Variants in ACAP2 observed in about 807,000 individuals in gnomAD.
ACAP2 encodes ArfGAP with coiled-coil, ankyrin repeat and PH domains 2.
ACAP2 carries 39 observed loss-of-function variants against 115.8 expected under a neutral mutation model. That is an observed-to-expected ratio of 0.34 (90% CI 0.26 to 0.44). The LOEUF is 0.44. Ranked by LOEUF, ACAP2 falls within the 20% of genes least tolerant of loss-of-function variation. The probability of loss-of-function intolerance (pLI) is 1.00; values close to 1 mark genes in which losing one functional copy is unlikely to be tolerated. For missense variants in ACAP2, 662 were observed against 927.6 expected (o/e 0.71, Z 3.72); for synonymous variants, 289 against 315.8 (o/e 0.92, Z 0.90).
At chr3:195,302,853 A>G (rs146103791) in intron 13 of ACAP2, among the ~76,000 whole-genome samples, 201 of 152,272 alleles carry the variant, frequency 1.3e-3, no homozygotes, top group Non-Finnish European at 2.5e-3. Context: ...AGGAAGCTGA[A>G]GCGGGAGGAC....
chr3:195,343,584 A>G (rs1242329765), intron 5 of ACAP2, among the ~76,000 whole-genome samples: 3 of 152,174 alleles, frequency 2.0e-5, no homozygotes, highest in Non-Finnish European at 4.4e-5. Context: ...ATGCCACCAC[A>G]CAAGGCTAAT....
intron 4 of ACAP2, among the ~76,000 whole-genome samples, chr3:195,349,098 A>C (rs1280562142): frequency 6.6e-6 from 1 of 152,166 alleles, no homozygotes; most frequent in Non-Finnish European, 1.5e-5. Flanking sequence ...TTAATAAGTG[A>C]GTTTAAGAAG....
intron 6 of ACAP2, among the ~76,000 whole-genome samples, chr3:195,337,570 T>C (rs1730588262): frequency 6.6e-6 from 1 of 150,462 alleles, no homozygotes; most frequent in African/African-American, 2.4e-5. Context: ...TGCCTCAGCC[T>C]CCCGAGTAGC....
At chr3:195,283,117 G>A (rs948993691) in intron 22 of ACAP2, among the ~76,000 whole-genome samples, 1 of 152,116 alleles carries the variant, frequency 6.6e-6, no homozygotes, top group Non-Finnish European at 1.5e-5. Context: ...AAGCAGTGAT[G>A]ATTCTCAACT....
At chr3:195,431,154 T>C (rs1490853822) in intron 1 of ACAP2, among the ~76,000 whole-genome samples, 1 of 152,228 alleles carries the variant, frequency 6.6e-6, no homozygotes, top group African/African-American at 2.4e-5. Context: ...CTTTTGTGTT[T>C]GGCTTATTTC....
Position 195,442,934 on chromosome 3 carries a change from C to A in ACAP2, c.-87G>T. ...GGGACGCAGACGGCTACGGCGGGCG[C>A]ACGGCCGCGACTAGCGTTGCGCGGA... On this transcript the variant is annotated 5_prime_UTR_variant, in exon 1 of 23. Coordinates refer to ENST00000326793, the MANE Select transcript of ACAP2 (RefSeq NM_012287.6). 1 of 1,264,912 alleles carries A rather than the reference C, an allele frequency of 7.9e-7. No homozygotes were observed. The highest frequency in any genetic ancestry group is 1.1e-6 in the Non-Finnish European group (1 of 949,566). The allele number at this position is 1,264,912 out of a possible 1,614,324, so 78.4% of individuals were successfully genotyped here. A position where few individuals can be genotyped will look rare whatever the true frequency, so the allele number is the denominator to read the frequency against.
At position 195,429,465 on chromosome 3, in the gene ACAP2, C is replaced by T. The variant is rs187544301; in HGVS notation, c.53+13330G>A. Among the ~76,000 whole-genome samples the T allele has an allele frequency of 6.6e-5, 10 of 150,578 alleles. 1 individual carries two copies. Among genetic ancestry groups the T allele is most frequent in the East Asian group, 5.8e-4 (3 of 5,144 alleles). ...AAAATGCTAAGCAAAAGTACCAAAACGCTGAGAATAATAATTGACATACAA... is the reference window on the plus strand; with the variant it reads ...AAAATGCTAAGCAAAAGTACCAAAATGCTGAGAATAATAATTGACATACAA... On this transcript the variant is annotated intron_variant, in intron 1 of 22. Coordinates refer to ENST00000326793, the MANE Select transcript of ACAP2 (RefSeq NM_012287.6).
chr3:195,353,675 T>C (rs1167595129), intron 4 of ACAP2, among the ~76,000 whole-genome samples: 1 of 152,242 alleles, frequency 6.6e-6, no homozygotes, highest in African/African-American at 2.4e-5. Flanking sequence ...AAATTATTTG[T>C]AGCGATTTCA....
chr3:195,378,511 CAAACAAAAAA>C (rs1420844945), intron 4 of ACAP2, among the ~76,000 whole-genome samples: 5 of 147,588 alleles, frequency 3.4e-5, no homozygotes, highest in Non-Finnish European at 4.5e-5. Flanking sequence ...ACAAAACAAA[CAAACAAAAAA>C]AAACAAAAAA....
chr3:195,392,821 A>G (rs1249601482), intron 1 of ACAP2, among the ~76,000 whole-genome samples: 1 of 152,234 alleles, frequency 6.6e-6, no homozygotes, highest in Admixed American at 6.5e-5. Flanking sequence ...GAAACAAAAT[A>G]GCAGCAACTA....
chr3:195,351,632 T>C (rs1361121936), intron 4 of ACAP2, among the ~76,000 whole-genome samples: 1 of 151,572 alleles, frequency 6.6e-6, no homozygotes, highest in African/African-American at 2.4e-5. Context: ...GCCCAGCTAA[T>C]TTTTTGTATT....
chr3:195,285,862 A>G lies in ACAP2; in HGVS notation c.2175-5T>C. ...TTCATTCTTGCTAAACGTAACCTAA[A>G]AATAAATAAAATAGTGTTTTAGATG... On this transcript the variant is annotated splice_region_variant and splice_polypyrimidine_tract_variant and intron_variant, in intron 21 of 22. Transcript: ENST00000326793. The G allele has an allele frequency of 6.2e-7, 1 of 1,601,732 alleles. No homozygotes were observed. Among genetic ancestry groups the G allele is most frequent in the Non-Finnish European group, 8.5e-7 (1 of 1,172,340 alleles).
chr3:195,285,930 G>C, intron 21 of ACAP2, 73 bp from the exon 22 acceptor site: 1 of 1,081,032 alleles, frequency 9.3e-7, no homozygotes, highest in East Asian at 2.7e-5. Context: ...CTATAAACAG[G>C]TAATACATGT....
At chr3:195,286,014 A>G (rs112976341) in intron 21 of ACAP2, among the ~76,000 whole-genome samples, 157 bp from the exon 22 acceptor site, 6 of 152,374 alleles carry the variant, frequency 3.9e-5, no homozygotes, top group African/African-American at 1.4e-4. Context: ...AATCTGAGGT[A>G]CAAAGATAAG....
chr3:195,373,161 G>C (rs535114649), intron 4 of ACAP2, among the ~76,000 whole-genome samples: 36 of 152,102 alleles, frequency 2.4e-4, no homozygotes, highest in Admixed American at 1.4e-3. Context: ...GCCAGGTGCA[G>C]TGGCTCACAT....
chr3:195,382,096 T>C, intron 2 of ACAP2, 74 bp from the exon 3 acceptor site: 1 of 1,426,806 alleles, frequency 7.0e-7, no homozygotes, highest in Middle Eastern at 1.9e-4. Flanking sequence ...GTGTTGGCAG[T>C]AACTATATGA....
At chr3:195,404,845 T>C (rs1712617647) in intron 1 of ACAP2, among the ~76,000 whole-genome samples, 1 of 150,828 alleles carries the variant, frequency 6.6e-6, no homozygotes, top group African/African-American at 2.4e-5. Flanking sequence ...TCGCCCAGGC[T>C]GGAGTGCAAT....
At chr3:195,314,203 T>G (rs6779568) in intron 10 of ACAP2, among the ~76,000 whole-genome samples, 5,235 of 151,872 alleles carry the variant, frequency 0.034, 326 homozygotes, top group African/African-American at 0.12. Flanking sequence ...TTTGTTGTTT[T>G]TTTTTTTTTT....
chr3:195,430,585 C>T (rs539359522), intron 1 of ACAP2, among the ~76,000 whole-genome samples: 1 of 152,150 alleles, frequency 6.6e-6, no homozygotes, highest in African/African-American at 2.4e-5. Context: ...CATAGTGGTT[C>T]ACGCCTATAA....
Sources: allele counts gnomAD v4.1 joint callset (sites outside exome capture counted in the v4.1 genomes callset), GRCh38; gene constraint gnomAD v4.1.1; transcripts MANE v1.5; gene names NCBI Gene and HGNC (gene_info 2026-07-23, HGNC 2026-07-21).